Variants in CCDC60 observed in about 807,000 individuals in gnomAD.
The protein encoded by CCDC60 is coiled-coil domain containing 60, also known as coiled-coil domain-containing protein 60.
In CCDC60, 54 loss-of-function variants were observed where a neutral mutation model predicts 63.5. The observed-to-expected ratio is 0.85, with a 90% CI of 0.68 to 1.07. The LOEUF is 1.07. Among genes scored for constraint, CCDC60 ranks in the 50% least tolerant of loss-of-function variants. CCDC60 has a pLI of 0.00. For missense variants in CCDC60, 651 were observed against 684.3 expected, an observed-to-expected ratio of 0.95 and a Z score of 0.54; for synonymous variants, 206 against 238.8, an observed-to-expected ratio of 0.86 and a Z score of 1.27.
intron 2 of CCDC60, chr12:119,429,541 T>C (rs1478140382): frequency 2.6e-5 from 4 of 152,094 alleles, no homozygotes; most frequent in African/African-American, 9.7e-5. Flanking sequence ...GCGGGGAAGT[T>C]CTATTGATCT....
At chr12:119,497,301 G>A (rs1180368789) in intron 5 of CCDC60, among the ~76,000 whole-genome samples, 4 of 152,214 alleles carry the variant, frequency 2.6e-5, no homozygotes, top group Non-Finnish European at 5.9e-5. Context: ...GTATGCAATG[G>A]ATGATGCAGC....
chr12:119,536,292 T>C (rs1953003938), intron 13 of CCDC60, among the ~76,000 whole-genome samples: 1 of 152,216 alleles, frequency 6.6e-6, no homozygotes, highest in South Asian at 2.1e-4. Context: ...TCCCTTTATT[T>C]TGAGCCTATG....
At chr12:119,401,900 T>C (rs550648238) in intron 1 of CCDC60, among the ~76,000 whole-genome samples, 1 of 152,358 alleles carries the variant, frequency 6.6e-6, no homozygotes, top group Non-Finnish European at 1.5e-5. Context: ...TGTGGTCATG[T>C]GGCAGATCAC....
intron 2 of CCDC60, among the ~76,000 whole-genome samples, chr12:119,447,594 C>T (rs1366516312): frequency 6.6e-6 from 1 of 152,180 alleles, no homozygotes; most frequent in Non-Finnish European, 1.5e-5. Context: ...GCAATCCCTC[C>T]CATTCCATTT....
rs60934414 is a variant in CCDC60, at chr12:119,343,660, CTATATA to C, written c.90+8414_90+8419del. Reference sequence around the variant, plus strand: ...TAACAAGTACCAAAAGAAAGGCAAACTATATATATATATATATATATATATGTATAT... The same window carrying C: ...TAACAAGTACCAAAAGAAAGGCAAACTATATATATATATATATATGTATAT... On this transcript the variant is annotated intron_variant, in intron 1 of 13. Coordinates refer to ENST00000327554, the MANE Select transcript of CCDC60 (RefSeq NM_178499.5). Among the ~76,000 whole-genome samples, 106 of 141,008 alleles carry C rather than the reference CTATATA, an allele frequency of 7.5e-4. 1 individual carries two copies. Among genetic ancestry groups the C allele is most frequent in the African/African-American group, 1.1e-3 (43 of 37,402 alleles). The allele number at this position is 141,008 out of a possible 152,430, so 92.5% of individuals were successfully genotyped here. A position where few individuals can be genotyped will look rare whatever the true frequency, so the allele number is the denominator to read the frequency against.
chr12:119,487,713 C>A (rs1378141981), intron 4 of CCDC60, among the ~76,000 whole-genome samples: 2 of 152,130 alleles, frequency 1.3e-5, no homozygotes, highest in African/African-American at 4.8e-5. Context: ...CTAAAATGTG[C>A]ATAATAATTC....
chr12:119,537,445 G>T (rs1039603882), intron 13 of CCDC60, among the ~76,000 whole-genome samples: 1 of 152,210 alleles, frequency 6.6e-6, no homozygotes, highest in African/African-American at 2.4e-5. Context: ...ATCCCGCTTT[G>T]TTCCATTGCT....
chr12:119,509,274 T>G (rs1952143408), intron 7 of CCDC60, among the ~76,000 whole-genome samples: 1 of 152,198 alleles, frequency 6.6e-6, no homozygotes, highest in African/African-American at 2.4e-5. Flanking sequence ...TTTTAAAGAT[T>G]AAGATGTTTT....
chr12:119,528,849 C>G (rs1952762399), intron 12 of CCDC60, 103 bp downstream of exon 12: 2 of 1,233,222 alleles, frequency 1.6e-6, no homozygotes, highest in Non-Finnish European at 2.2e-6. Flanking sequence ...CATAGAGAGG[C>G]ATTACTCCAA....
chr12:119,423,102 G>A (rs1956841921), intron 1 of CCDC60, among the ~76,000 whole-genome samples: 1 of 152,162 alleles, frequency 6.6e-6, no homozygotes, highest in Non-Finnish European at 1.5e-5. Flanking sequence ...GATGGGAAGG[G>A]AGTTGATCTA....
chr12:119,344,855 TCACACACACACACACACACA>T (rs1199779284), intron 1 of CCDC60, among the ~76,000 whole-genome samples: 2 of 114,798 alleles, frequency 1.7e-5, no homozygotes, highest in African/African-American at 3.6e-5. Context: ...TCTCTCTCTC[TCACACACACACACACACACA>T]CACACACACA....
chr12:119,483,940 T>C (rs558817662), intron 4 of CCDC60, among the ~76,000 whole-genome samples: 1 of 152,046 alleles, frequency 6.6e-6, no homozygotes, highest in Non-Finnish European at 1.5e-5. Flanking sequence ...CTGGGGACTT[T>C]TTTTTTTTTT....
At chr12:119,354,338 T>A (rs1955695052) in intron 1 of CCDC60, among the ~76,000 whole-genome samples, 1 of 152,224 alleles carries the variant, frequency 6.6e-6, no homozygotes, top group Non-Finnish European at 1.5e-5. Flanking sequence ...TTCGTTAATG[T>A]GCTTTCGTCT....
rs1315986369 is a variant in CCDC60 at position 119,370,018 on chromosome 12, G to A, written c.90+34752G>A. On this transcript the variant is annotated intron_variant, in intron 1 of 13. Transcript: ENST00000327554. ...GTAAATTCAGCTTGGGGATAAGGAC[G>A]TATACCTCCCTATCAAACACAAGAA... 3.9e-5 allele frequency among the ~76,000 whole-genome samples: 6 copies of A among 152,162 alleles called. 1 individual carries two copies. Among genetic ancestry groups the A allele is most frequent in the Non-Finnish European group, 8.8e-5 (6 of 68,034 alleles).
intron 1 of CCDC60, among the ~76,000 whole-genome samples, chr12:119,350,733 C>A (rs985552240): frequency 4.6e-5 from 7 of 152,158 alleles, no homozygotes; most frequent in African/African-American, 1.7e-4. Flanking sequence ...CCGCTCTCAA[C>A]ATATTTTCTA....
intron 2 of CCDC60, among the ~76,000 whole-genome samples, chr12:119,445,866 C>T (rs1346035798): frequency 6.6e-6 from 1 of 152,092 alleles, no homozygotes; most frequent in Admixed American, 6.6e-5. Context: ...TGTTCTCAAG[C>T]TAAGCTATGA....
intron 1 of CCDC60, among the ~76,000 whole-genome samples, chr12:119,407,138 G>T (rs1385647649): frequency 6.6e-6 from 1 of 152,126 alleles, no homozygotes; most frequent in Admixed American, 6.5e-5. Flanking sequence ...CCATCCAGGT[G>T]GGGTGTGTGT....
chr12:119,384,310 G>A (rs1390196806), intron 1 of CCDC60, among the ~76,000 whole-genome samples: 2 of 152,202 alleles, frequency 1.3e-5, no homozygotes, highest in Non-Finnish European at 2.9e-5. Flanking sequence ...TTCATTAGGG[G>A]TTTGGCATCT....
chr12:119,344,828 CTCTCTCTT>C (rs1424509986), intron 1 of CCDC60, among the ~76,000 whole-genome samples: 9 of 133,078 alleles, frequency 6.8e-5, no homozygotes, highest in African/African-American at 2.5e-4. Context: ...CTCTCTCTCT[CTCTCTCTT>C]TCTCTCTCTC....
Sources: gnomAD v4.1 joint callset for allele counts (sites outside exome capture counted in the v4.1 genomes callset) on GRCh38, gnomAD v4.1.1 for gene constraint, MANE v1.5 for transcripts, NCBI Gene and HGNC (gene_info 2026-07-23, HGNC 2026-07-21) for gene names.